TMPRSS7: variants seen among roughly 807,000 people sequenced by gnomAD.
The protein encoded by TMPRSS7 is transmembrane protease serine 7.
Under a neutral mutation model 95.6 loss-of-function variants are expected in TMPRSS7, and 81 were observed. The observed-to-expected ratio is 0.85, with a 90% confidence interval of 0.71 to 1.02. The LOEUF is 1.02. TMPRSS7 is among the 50% of genes least tolerant of loss of function. The pLI is 0.00. For missense variants in TMPRSS7, 945 were observed against 955.2 expected, an observed-to-expected ratio of 0.99 and a Z score of 0.14; for synonymous variants, 364 against 337.8, an observed-to-expected ratio of 1.08 and a Z score of -0.85.
intron 3 of TMPRSS7, chr3:112,043,137 C>A: frequency 2.2e-6 from 1 of 455,756 alleles, no homozygotes; most frequent in Non-Finnish European, 4.4e-6. Context: ...TACTGTTGTA[C>A]AAACATCATA....
At chr3:112,059,387 C>T (rs2073472900) in intron 10 of TMPRSS7, among the ~76,000 whole-genome samples, 1 of 152,186 alleles carries the variant, frequency 6.6e-6, no homozygotes, top group Non-Finnish European at 1.5e-5. Context: ...ACTCATTTCA[C>T]AAGCCACCAT....
At chr3:112,056,250 CA>C (rs2073431801) in intron 9 of TMPRSS7, among the ~76,000 whole-genome samples, 1 of 151,984 alleles carries the variant, frequency 6.6e-6, no homozygotes, top group Non-Finnish European at 1.5e-5. Context: ...AATTTGACCA[CA>C]AAATTTAAAA....
intron 3 of TMPRSS7, chr3:112,043,031 AGCTTT>A (rs1167748623): frequency 2.2e-6 from 1 of 455,988 alleles, no homozygotes; most frequent in Non-Finnish European, 4.4e-6. Context: ...TGCTCAGAGC[AGCTTT>A]TACTTATTGA....
At chr3:112,051,821 T>C (rs1248031859) in intron 9 of TMPRSS7, among the ~76,000 whole-genome samples, 2 of 152,166 alleles carry the variant, frequency 1.3e-5, no homozygotes, top group African/African-American at 4.8e-5. Flanking sequence ...CAGGGCAAAG[T>C]GTCACCTCTG....
chr3:112,041,844 C>T (rs1211378558), intron 2 of TMPRSS7, 76 bp from the exon 3 acceptor site: 1 of 968,198 alleles, frequency 1.0e-6, no homozygotes, highest in Non-Finnish European at 1.6e-6. Context: ...GAGCCTCATA[C>T]TGACATAGCT....
intron 8 of TMPRSS7, among the ~76,000 whole-genome samples, chr3:112,050,214 G>A (rs1028196558): frequency 6.6e-6 from 1 of 152,186 alleles, no homozygotes; most frequent in African/African-American, 2.4e-5. Flanking sequence ...GACAAGAAGA[G>A]AAATGTATCA....
intron 4 of TMPRSS7, among the ~76,000 whole-genome samples, chr3:112,045,425 G>C (rs939063645): frequency 1.3e-5 from 2 of 152,248 alleles, no homozygotes; most frequent in Admixed American, 6.5e-5. Flanking sequence ...TGGGATTACA[G>C]GCGTGAGCCA....
Position 112,079,262 on chromosome 3 carries a change from G to A in TMPRSS7, c.2361+384G>A, listed in dbSNP as rs118136364. Among the ~76,000 whole-genome samples, 649 of 152,274 alleles carry A rather than the reference G, an allele frequency of 4.3e-3. 23 individuals are homozygous for A. In the East Asian group the frequency reaches 0.065, roughly 15 times the overall value. On this transcript the variant is annotated intron_variant, in intron 17 of 17. Coordinates refer to ENST00000452346, the Ensembl canonical transcript of TMPRSS7. ...AGTATATGCTGGTGGAAAGAGGAGA[G>A]GAATGGAGAGGTGACAAAGAATACT...
At chr3:112,065,690 G>A (rs2073568309) in intron 12 of TMPRSS7, among the ~76,000 whole-genome samples, 1 of 152,158 alleles carries the variant, frequency 6.6e-6, no homozygotes, top group African/African-American at 2.4e-5. Context: ...TGAAAAAACA[G>A]GTGCAGATAG....
intron 7 of TMPRSS7, 127 bp from the exon 8 acceptor site, chr3:112,049,717 G>T (rs2073322218): frequency 9.6e-6 from 7 of 727,678 alleles, no homozygotes; most frequent in African/African-American, 1.8e-5. Context: ...GGCTGGGAGA[G>T]ATTCCCAAGA....
chr3:112,048,200 G>A (rs1222341242), intron 7 of TMPRSS7, among the ~76,000 whole-genome samples: 1 of 152,090 alleles, frequency 6.6e-6, no homozygotes, highest in Non-Finnish European at 1.5e-5. Flanking sequence ...AGTCAGTACA[G>A]CAAGAACGTC....
At chr3:112,045,660 T>C (rs2073269636) in intron 4 of TMPRSS7, 90 bp from the exon 5 acceptor site, 2 of 1,266,088 alleles carry the variant, frequency 1.6e-6, no homozygotes, top group Admixed American at 2.8e-5. Flanking sequence ...AAGGATGTGC[T>C]CATTGGCCTT....
At position 112,075,301 on chromosome 3, in the gene TMPRSS7, A is replaced by G. The variant is rs746309055; in HGVS notation, c.1784-20A>G. 5.0e-6 allele frequency: 7 copies of G among 1,388,958 alleles called. No homozygotes were observed. The highest frequency in any genetic ancestry group is 5.7e-6 in the Non-Finnish European group (6 of 1,061,878). 86.0% of individuals were successfully genotyped at this position (1,388,958 alleles called of 1,614,324 possible). On this transcript the variant is annotated intron_variant, in intron 14 of 17. Coordinates refer to ENST00000452346, the Ensembl canonical transcript of TMPRSS7. The stretch of plus-strand genomic sequence containing the variant: ...TCTTCCAAGTCTACCTTTAAATCAC[A>G]TGCCCTTTCTCCACCAAAGCCTGCA...
At chr3:112,060,256 T>C (rs1347179953) in intron 10 of TMPRSS7, among the ~76,000 whole-genome samples, 1 of 152,098 alleles carries the variant, frequency 6.6e-6, no homozygotes. Flanking sequence ...GGGGCAAAAT[T>C]AAAATTGCTA....
chr3:112,052,798 C>T (rs532113968), intron 9 of TMPRSS7, among the ~76,000 whole-genome samples: 20 of 152,056 alleles, frequency 1.3e-4, no homozygotes, highest in Non-Finnish European at 2.6e-4. Context: ...TAAAGGTTGA[C>T]TTCTTAATAA....
At chr3:112,044,612 G>A (rs2073254007) in intron 4 of TMPRSS7, among the ~76,000 whole-genome samples, 1 of 152,132 alleles carries the variant, frequency 6.6e-6, no homozygotes, top group South Asian at 2.1e-4. Flanking sequence ...TGGGTGGAGG[G>A]TGGAGGCAAA....
At chr3:112,047,851 G>A in exon 7 of TMPRSS7, 1 of 1,614,118 alleles carries the variant, frequency 6.2e-7, no homozygotes, top group Non-Finnish European at 8.5e-7. Context: ...TGGCCATAGT[G>A]GGCTACCTGA....
intron 7 of TMPRSS7, among the ~76,000 whole-genome samples, chr3:112,049,381 T>TA (rs1352844246): frequency 1.3e-5 from 2 of 152,218 alleles, no homozygotes; most frequent in Non-Finnish European, 2.9e-5. Context: ...GTTCTTTGTT[T>TA]AAAATGCCAA....
chr3:112,037,018 G>A (rs1007347488), intron 1 of TMPRSS7, among the ~76,000 whole-genome samples: 17 of 152,132 alleles, frequency 1.1e-4, no homozygotes, highest in South Asian at 4.2e-4. Context: ...GATGTATGTA[G>A]CCTCAGGACC....
Sources: allele counts gnomAD v4.1 joint callset (sites outside exome capture counted in the v4.1 genomes callset), GRCh38; gene constraint gnomAD v4.1.1; transcripts MANE v1.5; gene names NCBI Gene and HGNC (gene_info 2026-07-23, HGNC 2026-07-21).